ANK3: variants seen among roughly 807,000 people sequenced by gnomAD.
ANK3 encodes ankyrin-3.
In ANK3, 57 loss-of-function variants were observed where a neutral mutation model predicts 370.9. The ratio of observed to expected loss-of-function variants is 0.15; its 90% CI spans 0.12 to 0.19. The LOEUF is 0.19. Ranked by LOEUF, ANK3 falls within the 10% of genes least tolerant of loss-of-function variation. The pLI is 1.00. For missense variants in ANK3, 4,439 were observed against 5,302.1 expected, an observed-to-expected ratio of 0.84 and a Z score of 5.06; for synonymous variants, 1,929 against 1,946.3, an observed-to-expected ratio of 0.99 and a Z score of 0.23.
At chr10:60,726,376 A>T (rs2079941327) in intron 1 of ANK3, among the ~76,000 whole-genome samples, 1 of 152,220 alleles carries the variant, frequency 6.6e-6, no homozygotes. Context: ...AGACATAAGG[A>T]TATGAACAAA....
At chr10:60,345,095 AC>A (rs79089757) in intron 1 of ANK3, among the ~76,000 whole-genome samples, 105,966 of 151,914 alleles carry the variant, frequency 0.7, 38,233 homozygotes, top group South Asian at 0.91. Flanking sequence ...ATATTGTGAA[AC>A]AAAGCCCAAC....
chr10:60,688,328 A>G (rs1316739188), intron 1 of ANK3, among the ~76,000 whole-genome samples: 2 of 152,184 alleles, frequency 1.3e-5, no homozygotes, highest in African/African-American at 2.4e-5. Flanking sequence ...AGCCTCCCAA[A>G]GTTCTGAGAT....
chr10:60,074,904 T>C lies in ANK3; in HGVS notation c.5977A>G (p.Ser1993Gly), dbSNP rs774528120. 23 of 1,613,938 alleles carry C rather than the reference T, an allele frequency of 1.4e-5. No homozygotes were observed. Among genetic ancestry groups the C allele is most frequent in the Non-Finnish European group, 1.9e-5 (23 of 1,179,994 alleles). The stretch of plus-strand genomic sequence containing the variant: ...CTGGCTTCCCGGATTTCTTCCGAAC[T>C]AAATTCTATCCAGTCATCTTCAGGA... ...HSPEDDWIEFSSEEIREARQQ... is the reference protein window; with the variant it reads ...HSPEDDWIEFGSEEIREARQQ... Residue 1993 changes from serine (S) to glycine (G), a missense_variant, in exon 37 of 44, where the codon AGT (serine) becomes GGT (glycine). This residue lies in a region of ANK3 where 679 missense variants were observed against 791.0 expected (regional missense o/e 0.86). Coordinates refer to ENST00000280772, the MANE Select transcript of ANK3 (RefSeq NM_020987.5).
intron 43 of ANK3, among the ~76,000 whole-genome samples, chr10:60,030,471 TG>T (rs1254453094): frequency 6.6e-6 from 1 of 152,160 alleles, no homozygotes; most frequent in Non-Finnish European, 1.5e-5. Context: ...AGTTGTGAGT[TG>T]TTTTTGAGTT....
intron 2 of ANK3, among the ~76,000 whole-genome samples, chr10:60,420,698 C>T (rs976612234): frequency 1.3e-5 from 2 of 152,040 alleles, no homozygotes; most frequent in East Asian, 3.9e-4. Flanking sequence ...AGTGTTTACA[C>T]ATAAGATGCA....
chr10:60,429,301 T>A (rs1037928232), intron 2 of ANK3, among the ~76,000 whole-genome samples: 1 of 152,016 alleles, frequency 6.6e-6, no homozygotes, highest in Admixed American at 6.6e-5. Flanking sequence ...TGTTTCTCTG[T>A]AAGTCTAGGA....
At chr10:60,607,759 A>C (rs557041169) in intron 2 of ANK3, among the ~76,000 whole-genome samples, 1 of 152,360 alleles carries the variant, frequency 6.6e-6, no homozygotes, top group East Asian at 1.9e-4. Context: ...AAATCTAGCA[A>C]ATAAAAAACT....
At chr10:60,438,535 G>A (rs1470695045) in intron 2 of ANK3, among the ~76,000 whole-genome samples, 1 of 152,158 alleles carries the variant, frequency 6.6e-6, no homozygotes, top group Non-Finnish European at 1.5e-5. Context: ...TGCCAAGTGT[G>A]GGGAAGAGTA....
chr10:60,636,328 G>C (rs150392723), intron 1 of ANK3, among the ~76,000 whole-genome samples: 57 of 152,206 alleles, frequency 3.7e-4, no homozygotes, highest in African/African-American at 1.3e-3. Flanking sequence ...GTGGTTCAAA[G>C]GGGTTAGTGA....
chr10:60,062,426 A>T (rs2080756822), intron 40 of ANK3: 1 of 152,248 alleles, frequency 6.6e-6, no homozygotes, highest in South Asian at 2.1e-4. Flanking sequence ...CAAGATCATT[A>T]TATAAATTAA....
rs1567027570 is a variant in ANK3, at chr10:60,422,549, C to T, written c.97-142910G>A. On this transcript the variant is annotated intron_variant, in intron 2 of 43. Coordinates refer to the ANK3 transcript ENST00000373827. ...AGTTCTTATCTTTTGGATTTCAGTT[C>T]TACCTGGATTCAGCAACACATTATT... Among the ~76,000 whole-genome samples the T allele has an allele frequency of 2.0e-5, 3 of 152,202 alleles. No homozygotes were observed. In the South Asian group the frequency reaches 6.2e-4, roughly 32 times the overall value.
chr10:60,277,222 A>G (rs1046045717), intron 4 of ANK3, among the ~76,000 whole-genome samples: 10 of 152,216 alleles, frequency 6.6e-5, no homozygotes, highest in Admixed American at 6.5e-4. Context: ...GTGAACCCAT[A>G]AAACAGAGGA....
intron 28 of ANK3, among the ~76,000 whole-genome samples, chr10:60,090,830 A>G (rs2132035423): frequency 1.3e-5 from 2 of 152,390 alleles, no homozygotes; most frequent in Middle Eastern, 6.8e-3. Context: ...GTGAATGGCA[A>G]TAATTTTTTA....
Position 60,075,226 on chromosome 10 carries a change from A to C in ANK3, c.5655T>G (p.Ser1885=). 5 of 1,614,160 alleles carry C rather than the reference A, an allele frequency of 3.1e-6. No homozygotes were observed. Among genetic ancestry groups the C allele is most frequent in the Non-Finnish European group, 4.2e-6 (5 of 1,180,014 alleles). Reference sequence around the variant, plus strand: ...AAGATGGTGTAGACAACTTAAGGGCAGAGGGTGCAAGGAACAAAGATGACT... The same window carrying C: ...AAGATGGTGTAGACAACTTAAGGGCCGAGGGTGCAAGGAACAAAGATGACT... The part of the protein sequence containing the change: ...PVKSSLFLAP[S]ALKLSTPSSL... Residue 1885 remains serine (S), a synonymous_variant, in exon 37 of 44, where the codon TCT becomes TCG. Transcript: ENST00000280772.
intron 36 of ANK3, among the ~76,000 whole-genome samples, chr10:60,077,503 C>T (rs2084103206): frequency 1.3e-5 from 2 of 152,132 alleles, no homozygotes; most frequent in Admixed American, 1.3e-4. Flanking sequence ...AAGAAGAGTA[C>T]ACTTTTTCCA....
chr10:60,398,835 G>A (rs142523332), intron 2 of ANK3, among the ~76,000 whole-genome samples: 2 of 152,266 alleles, frequency 1.3e-5, no homozygotes, highest in Non-Finnish European at 2.9e-5. Flanking sequence ...CTCTAACAGT[G>A]TCATAAACAC....
chr10:60,338,326 G>A (rs2132969211), intron 1 of ANK3, among the ~76,000 whole-genome samples: 1 of 152,258 alleles, frequency 6.6e-6, no homozygotes, highest in East Asian at 1.9e-4. Context: ...ATTACCTGGA[G>A]GACTTGTTTA....
chr10:60,079,108 A>AG (rs1408260824), intron 36 of ANK3, among the ~76,000 whole-genome samples: 1 of 150,694 alleles, frequency 6.6e-6, no homozygotes, highest in Non-Finnish European at 1.5e-5. Flanking sequence ...TCTAGGGCAA[A>AG]ATAGTATTCC....
intron 2 of ANK3, among the ~76,000 whole-genome samples, chr10:60,425,879 T>C (rs1015046391): frequency 6.6e-6 from 1 of 152,142 alleles, no homozygotes; most frequent in African/African-American, 2.4e-5. Flanking sequence ...TAGTATTGTT[T>C]AGTCTTTGCC....
Sources: gnomAD v4.1 joint callset for allele counts (sites outside exome capture counted in the v4.1 genomes callset) on GRCh38, gnomAD v4.1.1 for gene constraint, gnomAD v4.1.1 regional missense constraint, MANE v1.5 for transcripts, NCBI Gene and HGNC (gene_info 2026-07-23, HGNC 2026-07-21) for gene names.